Variants in FGF14 observed in about 807,000 individuals in gnomAD.
FGF14 encodes fibroblast growth factor 14, also known as fibroblast growth factor homologous factor 4.
Under a neutral mutation model 25.5 loss-of-function variants are expected in FGF14, and 5 were observed. The observed-to-expected ratio is 0.20, with a 90% CI of 0.10 to 0.41. The LOEUF (loss-of-function observed/expected upper bound fraction) is 0.41. FGF14 is among the 10% of genes least tolerant of loss of function. The probability of loss-of-function intolerance (pLI) is 1.00; values close to 1 mark genes in which losing one functional copy is unlikely to be tolerated. For synonymous variants in FGF14, 138 were observed against 118.3 expected, an observed-to-expected ratio of 1.17 and a Z score of -1.08; for missense variants, 222 against 320.1, an observed-to-expected ratio of 0.69 and a Z score of 2.34.
intron 1 of FGF14, among the ~76,000 whole-genome samples, chr13:102,155,291 G>C (rs934581353): frequency 6.6e-6 from 1 of 152,046 alleles, no homozygotes; most frequent in East Asian, 1.9e-4. Flanking sequence ...AATGTCAAAG[G>C]ATAGAAATTA....
At chr13:101,749,575 C>A (rs2037137394) in intron 3 of FGF14, among the ~76,000 whole-genome samples, 1 of 151,982 alleles carries the variant, frequency 6.6e-6, no homozygotes, top group African/African-American at 2.4e-5. Flanking sequence ...TATTTTACAA[C>A]CTCCATGTTC....
intron 1 of FGF14, among the ~76,000 whole-genome samples, chr13:102,222,352 T>A: frequency 6.6e-6 from 1 of 152,234 alleles, no homozygotes. Flanking sequence ...TAGCACAGTG[T>A]TTGGCAGACA....
chr13:101,900,932 A>G (rs2031466271), intron 1 of FGF14, among the ~76,000 whole-genome samples: 3 of 152,204 alleles, frequency 2.0e-5, no homozygotes, highest in African/African-American at 7.2e-5. Context: ...TTCAATATAT[A>G]GGTTATTTAA....
intron 3 of FGF14, among the ~76,000 whole-genome samples, chr13:101,781,470 T>C (rs948176763): frequency 6.6e-6 from 1 of 152,166 alleles, no homozygotes; most frequent in Non-Finnish European, 1.5e-5. Flanking sequence ...AGACTTTCAA[T>C]TGTTGCATTT....
chr13:102,101,042 T>C (rs1376847829), intron 1 of FGF14, among the ~76,000 whole-genome samples: 3 of 150,984 alleles, frequency 2.0e-5, no homozygotes, highest in African/African-American at 7.3e-5. Flanking sequence ...GAGGTTGCAG[T>C]GAGCTGAGAT....
chr13:102,386,578 A>C (rs921808996), intron 1 of FGF14, among the ~76,000 whole-genome samples: 6 of 152,382 alleles, frequency 3.9e-5, no homozygotes, highest in African/African-American at 1.2e-4. Flanking sequence ...ATACGCTGAC[A>C]TAATGCCTCC....
At chr13:102,149,936 CAA>C (rs1370935713) in intron 1 of FGF14, among the ~76,000 whole-genome samples, 2 of 152,136 alleles carry the variant, frequency 1.3e-5, no homozygotes, top group African/African-American at 4.8e-5. Flanking sequence ...AGTTTTTATT[CAA>C]GAGAAGCTTG....
rs543794619 is a variant in FGF14, at chr13:101,934,843, T to C, written c.209-59547A>G. 1.6e-4 allele frequency among the ~76,000 whole-genome samples: 25 copies of C among 152,304 alleles called. 1 individual carries two copies. The South Asian group carries it at 3.5e-3, about 21-fold the overall frequency. ...GTCTGCCGGGTGAGTATTTCCATGG[T>C]TCCCACTGTTACAAAGGAAACTCAA... is the stretch of plus-strand genomic sequence containing the variant. On this transcript the variant is annotated intron_variant, in intron 1 of 4. Coordinates refer to the FGF14 transcript ENST00000376131.
At chr13:101,861,029 A>T (rs1216413235) in intron 3 of FGF14, among the ~76,000 whole-genome samples, 1 of 152,162 alleles carries the variant, frequency 6.6e-6, no homozygotes, top group Non-Finnish European at 1.5e-5. Flanking sequence ...TATGAATCAA[A>T]ATATGTGAGA....
At chr13:101,982,292 G>T (rs1356542330) in intron 1 of FGF14, among the ~76,000 whole-genome samples, 17 of 152,068 alleles carry the variant, frequency 1.1e-4, no homozygotes, top group Non-Finnish European at 2.9e-5. Context: ...TTATGCAGCA[G>T]GTTTAGATCT....
intron 1 of FGF14, among the ~76,000 whole-genome samples, chr13:102,005,480 T>A (rs2039734841): frequency 1.3e-5 from 2 of 152,226 alleles, no homozygotes; most frequent in Admixed American, 1.3e-4. Context: ...AGTTCACAGA[T>A]CTCTCCAATA....
chr13:102,266,724 T>A (rs1473716794), intron 1 of FGF14, among the ~76,000 whole-genome samples: 1 of 151,984 alleles, frequency 6.6e-6, no homozygotes, highest in Non-Finnish European at 1.5e-5. Flanking sequence ...ACTCACCAAT[T>A]TCAGAAAATA....
At position 101,906,447 on chromosome 13, in the gene FGF14, G is replaced by T. The variant is rs538546621; in HGVS notation, c.193+10006C>A. ...CAGGAATTATTTACAGAAATTCAAAGAGATAAAATGAGGCATGTGGTGTAA... is the reference window on the plus strand; with the variant it reads ...CAGGAATTATTTACAGAAATTCAAATAGATAAAATGAGGCATGTGGTGTAA... On this transcript the variant is annotated intron_variant, in intron 1 of 4. Transcript: ENST00000376143. Among the ~76,000 whole-genome samples, 7 of 152,260 alleles carry T rather than the reference G, an allele frequency of 4.6e-5. No individual in the cohort carries two copies. The East Asian group carries it at 1.4e-3, about 29-fold the overall frequency.
chr13:102,057,216 G>GA (rs2042472341), intron 1 of FGF14, among the ~76,000 whole-genome samples: 1 of 151,846 alleles, frequency 6.6e-6, no homozygotes, highest in South Asian at 2.1e-4. Flanking sequence ...AACAGAATAT[G>GA]AAAAAAATAA....
intron 1 of FGF14, among the ~76,000 whole-genome samples, chr13:102,050,111 A>G (rs2042156197): frequency 6.6e-6 from 1 of 152,200 alleles, no homozygotes; most frequent in Admixed American, 6.5e-5. Flanking sequence ...AAATATATGG[A>G]AAGAGCAAGG....
intron 1 of FGF14, among the ~76,000 whole-genome samples, chr13:102,289,326 G>A (rs890622002): frequency 1.3e-5 from 2 of 152,076 alleles, no homozygotes; most frequent in Non-Finnish European, 2.9e-5. Flanking sequence ...TACTTTTAAT[G>A]GTGTGATAAT....
intron 1 of FGF14, among the ~76,000 whole-genome samples, chr13:102,380,848 T>C (rs1396707739): frequency 6.6e-6 from 1 of 151,824 alleles, no homozygotes; most frequent in Admixed American, 6.6e-5. Context: ...AGATAAAGAG[T>C]CAGAACCATT....
At chr13:102,348,869 G>A (rs1057127840) in intron 1 of FGF14, among the ~76,000 whole-genome samples, 6 of 152,100 alleles carry the variant, frequency 3.9e-5, no homozygotes, top group South Asian at 2.1e-4. Context: ...CTCTAACCTC[G>A]TTTGCATGCC....
chr13:102,344,035 T>C (rs567975215), intron 1 of FGF14, among the ~76,000 whole-genome samples: 24 of 152,224 alleles, frequency 1.6e-4, no homozygotes, highest in Non-Finnish European at 2.8e-4. Context: ...ATCTGTTCCA[T>C]TCTTAGTTAT....
Sources: allele counts gnomAD v4.1 joint callset (sites outside exome capture counted in the v4.1 genomes callset), GRCh38; gene constraint gnomAD v4.1.1; transcripts MANE v1.5; gene names NCBI Gene and HGNC (gene_info 2026-07-23, HGNC 2026-07-21).